UBASH3B: variants seen among roughly 807,000 people sequenced by gnomAD.
The protein encoded by UBASH3B is ubiquitin associated and SH3 domain containing B.
A neutral mutation model predicts 83.4 loss-of-function variants in UBASH3B; 37 were observed. The ratio of observed to expected loss-of-function variants is 0.44; its 90% CI spans 0.34 to 0.58. The LOEUF is 0.58. Among genes scored for constraint, UBASH3B ranks in the 20% least tolerant of loss-of-function variants. The pLI, the probability that UBASH3B is intolerant of heterozygous loss-of-function variation, is 0.01. For missense variants in UBASH3B, 657 were observed against 827.2 expected, an observed-to-expected ratio of 0.79 and a Z score of 2.52; for synonymous variants, 304 against 318.3, an observed-to-expected ratio of 0.96 and a Z score of 0.48.
intron 1 of UBASH3B, among the ~76,000 whole-genome samples, chr11:122,729,525 A>G (rs1385746605): frequency 1.3e-5 from 2 of 152,192 alleles, no homozygotes; most frequent in African/African-American, 4.8e-5. Context: ...TAGATATGAT[A>G]AAGGCAAGTG....
chr11:122,718,690 A>G (rs965849972), intron 1 of UBASH3B, among the ~76,000 whole-genome samples: 1 of 152,210 alleles, frequency 6.6e-6, no homozygotes, highest in African/African-American at 2.4e-5. Context: ...GCCCCAAAAA[A>G]GGGATATTAG....
chr11:122,714,977 G>A (rs983658012), intron 1 of UBASH3B, among the ~76,000 whole-genome samples: 8 of 151,990 alleles, frequency 5.3e-5, no homozygotes, highest in Admixed American at 2.0e-4. Flanking sequence ...ATGGAGTCTC[G>A]CTCTGTCGCC....
Position 122,811,023 on chromosome 11 carries a change from G to A in UBASH3B, c.*1137G>A, listed in dbSNP as rs1485259976. ...GCACTGCTACTTGTGCTGTCGTTTT[G>A]TTTGTTTTTCTATGATAATTTAAAA... is the stretch of plus-strand genomic sequence containing the variant. On this transcript the variant is annotated 3_prime_UTR_variant, in exon 14 of 14. Coordinates refer to ENST00000284273, the MANE Select transcript of UBASH3B (RefSeq NM_032873.5). The A allele has an allele frequency of 6.6e-6, 1 of 152,430 alleles. No homozygotes were observed. The highest frequency in any genetic ancestry group is 2.4e-5 in the African/African-American group (1 of 41,436). The allele number at this position is 152,430 out of a possible 1,614,324, so 9.4% of individuals were successfully genotyped here. A position where few individuals can be genotyped will look rare whatever the true frequency, so the allele number is the denominator to read the frequency against.
intron 1 of UBASH3B, among the ~76,000 whole-genome samples, chr11:122,681,030 T>A (rs1271320624): frequency 6.6e-6 from 1 of 152,212 alleles, no homozygotes; most frequent in East Asian, 1.9e-4. Context: ...ACCAAAACTC[T>A]TTTTTATTTA....
chr11:122,742,780 G>A (rs1429144230), intron 1 of UBASH3B, among the ~76,000 whole-genome samples: 3 of 152,196 alleles, frequency 2.0e-5, no homozygotes, highest in Admixed American at 1.3e-4. Flanking sequence ...CTGAAGTTCC[G>A]GAGATGTCAT....
At chr11:122,787,450 C>A (rs757267495) in intron 5 of UBASH3B, among the ~76,000 whole-genome samples, 13 of 152,190 alleles carry the variant, frequency 8.5e-5, no homozygotes, top group Non-Finnish European at 1.8e-4. Context: ...ATCGGAAATG[C>A]AGCGGTGCAA....
Position 122,702,169 on chromosome 11 carries a change from A to G in UBASH3B, c.161+45959A>G, listed in dbSNP as rs528806005. ...TGCTCAACCAAGAGGGATGGTCAGC[A>G]AACAGCCCATGAGGAAAAGTAGCAT... On this transcript the variant is annotated intron_variant, in intron 1 of 13. Coordinates refer to ENST00000284273, the MANE Select transcript of UBASH3B (RefSeq NM_032873.5). 5.3e-5 allele frequency among the ~76,000 whole-genome samples: 8 copies of G among 152,368 alleles called. No homozygotes were observed. In the East Asian group the frequency reaches 1.5e-3, roughly 29 times the overall value.
chr11:122,776,927 G>A (rs1329526841), intron 2 of UBASH3B, 97 bp from the exon 3 acceptor site: 1 of 1,204,024 alleles, frequency 8.3e-7, no homozygotes, highest in African/African-American at 1.6e-5. Flanking sequence ...CTGTGCCGGG[G>A]ATTTGGAGCA....
At chr11:122,744,723 TGTGA>T (rs1230431437) in intron 1 of UBASH3B, among the ~76,000 whole-genome samples, 5 of 151,410 alleles carry the variant, frequency 3.3e-5, no homozygotes, top group South Asian at 2.1e-4. Flanking sequence ...TGTGACCTGA[TGTGA>T]GTGTTTTGTG....
At position 122,806,355 on chromosome 11, in the gene UBASH3B, CCTTT is replaced by C; in HGVS notation, c.1596-54_1596-51del. 6.9e-7 allele frequency: 1 copy of C among 1,445,374 alleles called. No individual in the cohort carries two copies. The highest frequency in any genetic ancestry group is 9.5e-7 in the Non-Finnish European group (1 of 1,051,288). 89.5% of individuals were successfully genotyped at this position (1,445,374 alleles called of 1,614,324 possible). ...AAATAAAAGTTTAGAGTGATATCTT[CCTTT>C]GTCTCAAGATCAAAATGTTTTCATT... On this transcript the variant is annotated intron_variant, in intron 11 of 13. Transcript: ENST00000284273. The surrounding 1 kb of genome is among the most constrained non-coding windows in gnomAD (Gnocchi z 4.0).
Position 122,758,819 on chromosome 11 carries a change from G to A in UBASH3B, c.162-17400G>A, listed in dbSNP as rs1395279885. On this transcript the variant is annotated intron_variant, in intron 1 of 13. Coordinates refer to ENST00000284273, the MANE Select transcript of UBASH3B (RefSeq NM_032873.5). This position sits in a 1 kb window ranked among gnomAD's most constrained non-coding sequence, Gnocchi z 4.2. ...AGATCAGCAATTTCCACTGGTTATGGGATTGGGATCTTCCATCTCTTGCAT... is the reference window on the plus strand; with the variant it reads ...AGATCAGCAATTTCCACTGGTTATGAGATTGGGATCTTCCATCTCTTGCAT... Among the ~76,000 whole-genome samples the A allele has an allele frequency of 1.3e-5, 2 of 152,148 alleles. No homozygotes were observed. Among genetic ancestry groups the A allele is most frequent in the South Asian group, 4.1e-4 (2 of 4,832 alleles).
At chr11:122,665,757 T>C (rs1299582624) in intron 1 of UBASH3B, among the ~76,000 whole-genome samples, 1 of 152,192 alleles carries the variant, frequency 6.6e-6, no homozygotes, top group African/African-American at 2.4e-5. Flanking sequence ...AATTCTCAAA[T>C]TGGTACAAAA....
chr11:122,718,886 A>C (rs1260653948), intron 1 of UBASH3B, among the ~76,000 whole-genome samples: 1 of 151,986 alleles, frequency 6.6e-6, no homozygotes, highest in African/African-American at 2.4e-5. Context: ...AAATACAAAA[A>C]ATTAGCTGGG....
At chr11:122,778,966 ATATG>A (rs1860794671) in intron 3 of UBASH3B, among the ~76,000 whole-genome samples, 1 of 152,202 alleles carries the variant, frequency 6.6e-6, no homozygotes, top group South Asian at 2.1e-4. Flanking sequence ...ATGGTTGAAT[ATATG>A]TATGCATTGT....
intron 1 of UBASH3B, among the ~76,000 whole-genome samples, chr11:122,764,143 G>A (rs576476163): frequency 6.6e-6 from 1 of 152,206 alleles, no homozygotes; most frequent in Non-Finnish European, 1.5e-5. Flanking sequence ...GCAACCAAGA[G>A]ACATTGCTGG....
chr11:122,662,432 CTT>C (rs1555130806), intron 1 of UBASH3B, among the ~76,000 whole-genome samples: 6 of 138,634 alleles, frequency 4.3e-5, no homozygotes. Context: ...CTTTTCTTTT[CTT>C]TTTTTTTTTT....
intron 1 of UBASH3B, among the ~76,000 whole-genome samples, chr11:122,694,935 T>C (rs1454973451): frequency 6.7e-6 from 1 of 149,372 alleles, no homozygotes; most frequent in Non-Finnish European, 1.5e-5. Flanking sequence ...ATTTTATTTA[T>C]TTTTCTTTTC....
At chr11:122,666,146 T>C (rs1591760346) in intron 1 of UBASH3B, among the ~76,000 whole-genome samples, 1 of 152,234 alleles carries the variant, frequency 6.6e-6, no homozygotes, top group African/African-American at 2.4e-5. Context: ...TCCCGATTTC[T>C]TTCAGGTTTT....
Position 122,690,181 on chromosome 11 carries a change from TA to T in UBASH3B, c.161+33972del, listed in dbSNP as rs1565530176. 3.0e-4 allele frequency among the ~76,000 whole-genome samples: 9 copies of T among 30,236 alleles called. 1 individual carries two copies. Among genetic ancestry groups the T allele is most frequent in the South Asian group, 1.4e-3 (1 of 702 alleles). The allele number at this position is 30,236 out of a possible 152,430, so 19.8% of individuals were successfully genotyped here. A position where few individuals can be genotyped will look rare whatever the true frequency, so the allele number is the denominator to read the frequency against. ...AGGCAGGAAAACATATATATATATA[TA>T]TATATATATATATATATATATATAT... On this transcript the variant is annotated intron_variant, in intron 1 of 13. Coordinates refer to ENST00000284273, the MANE Select transcript of UBASH3B (RefSeq NM_032873.5).
Sources: allele counts gnomAD v4.1 joint callset (sites outside exome capture counted in the v4.1 genomes callset), GRCh38; gene constraint gnomAD v4.1.1; non-coding constraint Gnocchi (gnomAD v3.1); transcripts MANE v1.5; gene names NCBI Gene and HGNC (gene_info 2026-07-23, HGNC 2026-07-21).